XRN1: variants seen among roughly 807,000 people sequenced by gnomAD.
The protein encoded by XRN1 is 5'-3' exoribonuclease 1, also known as strand-exchange protein 1 homolog.
XRN1 carries 67 observed loss-of-function variants against 222.3 expected under a neutral mutation model. That is an observed-to-expected ratio of 0.30 (90% CI 0.25 to 0.37). The LOEUF (loss-of-function observed/expected upper bound fraction) is 0.37. Among genes scored for constraint, XRN1 ranks in the 10% least tolerant of loss-of-function variants. The pLI is 1.00. For synonymous variants in XRN1, 643 were observed against 652.4 expected (o/e 0.99, Z 0.22); for missense variants, 1,707 against 2,000.2 (o/e 0.85, Z 2.80).
intron 24 of XRN1, 50 bp downstream of exon 24, chr3:142,376,429 T>A: frequency 7.7e-7 from 1 of 1,291,118 alleles, no homozygotes; most frequent in Non-Finnish European, 1.1e-6. Flanking sequence ...TTAATCTTTA[T>A]CATTTAATTT....
intron 37 of XRN1, among the ~76,000 whole-genome samples, chr3:142,323,788 A>G (rs1012153009): frequency 6.6e-6 from 1 of 151,348 alleles, no homozygotes; most frequent in African/African-American, 2.4e-5. Flanking sequence ...ACAAAATGAC[A>G]CCCCATCTCT....
chr3:142,386,313 T>G (rs1230176581), intron 20 of XRN1, among the ~76,000 whole-genome samples: 2 of 151,930 alleles, frequency 1.3e-5, no homozygotes, highest in African/African-American at 4.8e-5. Flanking sequence ...CAATTATGTA[T>G]AAAAGGATAA....
chr3:142,364,454 CCAT>C (rs1166519507), intron 29 of XRN1, among the ~76,000 whole-genome samples: 2 of 151,734 alleles, frequency 1.3e-5, no homozygotes, highest in African/African-American at 4.8e-5. Flanking sequence ...TTTTTTTTCA[CCAT>C]CTTAGCCACT....
At chr3:142,372,529 G>A (rs2067018760) in intron 25 of XRN1, among the ~76,000 whole-genome samples, 1 of 152,146 alleles carries the variant, frequency 6.6e-6, no homozygotes, top group Admixed American at 6.5e-5. Flanking sequence ...CCATGAATTG[G>A]GACAATCAGA....
At chr3:142,392,579 G>C (rs1254096006) in intron 20 of XRN1, among the ~76,000 whole-genome samples, 1 of 151,404 alleles carries the variant, frequency 6.6e-6, no homozygotes, top group Non-Finnish European at 1.5e-5. Context: ...GCGGTGTTTG[G>C]TTTTTTGTTC....
chr3:142,313,810 C>T (rs1232011254), intron 39 of XRN1, among the ~76,000 whole-genome samples: 1 of 152,028 alleles, frequency 6.6e-6, no homozygotes, highest in Non-Finnish European at 1.5e-5. Context: ...AGGCATGGCA[C>T]GTGGCTGTGG....
chr3:142,323,490 A>C (rs1025129918), intron 37 of XRN1, among the ~76,000 whole-genome samples: 1 of 152,088 alleles, frequency 6.6e-6, no homozygotes, highest in Admixed American at 6.5e-5. Flanking sequence ...CCCACTTTTA[A>C]GTTTTAATGT....
chr3:142,386,855 T>C (rs1207236305), intron 20 of XRN1, among the ~76,000 whole-genome samples: 1 of 152,100 alleles, frequency 6.6e-6, no homozygotes, highest in East Asian at 1.9e-4. Flanking sequence ...AAAACAGAAA[T>C]CAACATAAGT....
In XRN1 at chr3:142,432,767, G is replaced by C; in HGVS notation, c.202C>G (p.Leu68Val). The C allele has an allele frequency of 6.2e-7, 1 of 1,613,822 alleles. No homozygotes were observed. The highest frequency in any genetic ancestry group is 8.5e-7 in the Non-Finnish European group (1 of 1,179,964). The change falls in exon 2 of 41, where the codon CTG becomes GTG. Residue 68 changes from leucine (L) to valine (V), a missense_variant. Transcript: ENST00000392981. ...TTAATAATGCGAAACAACACCTCCA[G>C]GTAGTGAAAAATATCAGTAAAGATT... ...DKIFTDIFHY[L>V]EVLFRIIKPR...
At position 142,333,033 on chromosome 3, in the gene XRN1, T is replaced by A. The variant is rs1473821807; in HGVS notation, c.3996A>T (p.Glu1332Asp). 11 of 1,613,580 alleles carry A rather than the reference T, an allele frequency of 6.8e-6. No individual in the cohort carries two copies. The highest frequency in any genetic ancestry group is 1.7e-5 in the Admixed American group (1 of 59,972). The change falls in exon 35 of 41, where the codon GAA (glutamate) becomes GAT (aspartate). Residue 1332 changes from glutamate to aspartate, a missense_variant. Physicochemically the swap from Glu to Asp is conservative, Grantham distance 45. This residue lies in a region of XRN1 where 473 missense variants were observed against 482.0 expected (regional missense o/e 0.98). Transcript: ENST00000392981. Reference protein sequence around the residue: ...LASLNISKENEVQSSHHGEPP... With the variant: ...LASLNISKENDVQSSHHGEPP... ...GCTCCCCATGATGAGATGACTGTACTTCATTTTCTTTGGAGATATTCAAAG... is the reference window on the plus strand; with the variant it reads ...GCTCCCCATGATGAGATGACTGTACATCATTTTCTTTGGAGATATTCAAAG...
chr3:142,387,334 G>A (rs186875402), intron 20 of XRN1, among the ~76,000 whole-genome samples: 295 of 152,230 alleles, frequency 1.9e-3, no homozygotes, highest in African/African-American at 6.3e-3. Flanking sequence ...AGGGAGCAGC[G>A]GATGGTAATG....
chr3:142,332,795 G>C, intron 35 of XRN1, 172 bp downstream of exon 35: 4 of 1,022,706 alleles, frequency 3.9e-6, no homozygotes, highest in Non-Finnish European at 5.5e-6. Flanking sequence ...GGTCTAAAGA[G>C]AAAAAGTATG....
chr3:142,318,932 A>T (rs1456048838), intron 37 of XRN1, 29 bp from the exon 38 acceptor site: 1 of 1,582,476 alleles, frequency 6.3e-7, no homozygotes, highest in Non-Finnish European at 8.7e-7. Flanking sequence ...TATGTCTATG[A>T]AATTCTCTGT....
chr3:142,384,106 T>TA (rs1359961365), intron 21 of XRN1, among the ~76,000 whole-genome samples: 1 of 151,588 alleles, frequency 6.6e-6, no homozygotes, highest in Non-Finnish European at 1.5e-5. Flanking sequence ...CCATCTCCAC[T>TA]AAAAAATACC....
intron 34 of XRN1, among the ~76,000 whole-genome samples, chr3:142,334,767 T>TACACACACAC (rs761753366): frequency 1.1e-5 from 1 of 90,350 alleles, no homozygotes; most frequent in African/African-American, 3.5e-5. Context: ...TGTCTATGTA[T>TACACACACAC]ACACACACAC....
chr3:142,425,412 T>TA lies in XRN1; in HGVS notation c.516+16dup. ...AAATACTTTTTTTAAACTCTTTAAA[T>TA]AAAAAAAGATAATAACCTCATGGCC... On this transcript the variant is annotated intron_variant, in intron 4 of 40. Coordinates refer to ENST00000392981, the MANE Select transcript of XRN1 (RefSeq NM_001282857.2). The TA allele has an allele frequency of 6.3e-7, 1 of 1,589,268 alleles. No homozygotes were observed. Among genetic ancestry groups the TA allele is most frequent in the Non-Finnish European group, 8.6e-7 (1 of 1,168,066 alleles).
intron 23 of XRN1, among the ~76,000 whole-genome samples, chr3:142,379,274 A>G (rs2067232123): frequency 1.3e-5 from 2 of 152,164 alleles, no homozygotes; most frequent in African/African-American, 4.8e-5. Flanking sequence ...CTGTCTCACA[A>G]AAAGAAAAAA....
chr3:142,430,035 G>C (rs2069454723), intron 2 of XRN1, among the ~76,000 whole-genome samples: 1 of 152,116 alleles, frequency 6.6e-6, no homozygotes, highest in Non-Finnish European at 1.5e-5. Context: ...TGTATTCTTA[G>C]AGCCCCAAGT....
At chr3:142,388,224 G>T (rs920563193) in intron 20 of XRN1, among the ~76,000 whole-genome samples, 3 of 151,952 alleles carry the variant, frequency 2.0e-5, no homozygotes, top group African/African-American at 7.3e-5. Context: ...ACATGAAGAC[G>T]AAGATGAAAA....
Sources: gnomAD v4.1 joint callset for allele counts (sites outside exome capture counted in the v4.1 genomes callset) on GRCh38, gnomAD v4.1.1 for gene constraint, gnomAD v4.1.1 regional missense constraint, MANE v1.5 for transcripts, NCBI Gene and HGNC (gene_info 2026-07-23, HGNC 2026-07-21) for gene names.